The following ATF2 variants were observed in gnomAD, a reference collection of about 807,000 sequenced individuals.
ATF2 encodes the protein activating transcription factor 2.
A neutral mutation model predicts 60.6 loss-of-function variants in ATF2; 24 were observed. That is an observed-to-expected ratio of 0.40 (90% CI 0.29 to 0.56). The LOEUF is 0.56. Ranked by LOEUF, ATF2 falls within the 20% of genes least tolerant of loss-of-function variation. The probability of loss-of-function intolerance (pLI) is 0.54; values close to 1 mark genes in which losing one functional copy is unlikely to be tolerated. For synonymous variants in ATF2, 206 were observed against 215.4 expected (o/e 0.96, Z 0.38); for missense variants, 433 against 607.7 (o/e 0.71, Z 3.02).
intron 4 of ATF2, among the ~76,000 whole-genome samples, chr2:175,123,858 C>T (rs957918482): frequency 2.0e-5 from 3 of 151,914 alleles, no homozygotes; most frequent in East Asian, 3.9e-4. Flanking sequence ...AAAAACACTG[C>T]AAAAGACAAA....
intron 2 of ATF2, among the ~76,000 whole-genome samples, chr2:175,141,527 C>G (rs1698534313): frequency 6.6e-6 from 1 of 152,070 alleles, no homozygotes; most frequent in Non-Finnish European, 1.5e-5. Flanking sequence ...GAGTCTCGCT[C>G]TGTCGTCCAG....
intron 12 of ATF2, among the ~76,000 whole-genome samples, chr2:175,084,188 G>A (rs1693972595): frequency 6.6e-6 from 1 of 152,022 alleles, no homozygotes; most frequent in African/African-American, 2.4e-5. Flanking sequence ...AAAGACACAT[G>A]CACATGTATG....
At chr2:175,085,181 A>C (rs1694065979) in intron 12 of ATF2, among the ~76,000 whole-genome samples, 1 of 152,188 alleles carries the variant, frequency 6.6e-6, no homozygotes, top group African/African-American at 2.4e-5. Flanking sequence ...ACAAAATGCT[A>C]TATGTGACAA....
At chr2:175,101,685 C>T (rs1479471960) in intron 10 of ATF2, among the ~76,000 whole-genome samples, 2 of 152,124 alleles carry the variant, frequency 1.3e-5, no homozygotes, top group Non-Finnish European at 2.9e-5. Context: ...GGGCAAGTTA[C>T]TACCTTATAA....
intron 8 of ATF2, chr2:175,114,451 T>G (rs1696409814): frequency 1.0e-5 from 13 of 1,254,430 alleles, no homozygotes; most frequent in Middle Eastern, 6.2e-4. Flanking sequence ...TGAAATAGCA[T>G]GAAAATAAGA....
chr2:175,075,643 G>A (rs1693240044), intron 13 of ATF2, among the ~76,000 whole-genome samples: 1 of 152,072 alleles, frequency 6.6e-6, no homozygotes, highest in Non-Finnish European at 1.5e-5. Flanking sequence ...AATATTTATA[G>A]TATATGTAAG....
At chr2:175,160,955 T>C (rs1419853214) in intron 1 of ATF2, among the ~76,000 whole-genome samples, 1 of 152,098 alleles carries the variant, frequency 6.6e-6, no homozygotes, top group African/African-American at 2.4e-5. Context: ...GGAAGATCTC[T>C]CGAGCCCCAG....
chr2:175,087,469 G>A (rs1443348835), intron 12 of ATF2, among the ~76,000 whole-genome samples: 1 of 152,096 alleles, frequency 6.6e-6, no homozygotes, highest in South Asian at 2.1e-4. Context: ...TTCTTACATT[G>A]TCTATGTAAT....
chr2:175,106,999 C>T (rs763591076), intron 10 of ATF2, among the ~76,000 whole-genome samples: 8 of 151,958 alleles, frequency 5.3e-5, no homozygotes, highest in Non-Finnish European at 7.4e-5. Context: ...CAAAAAAATA[C>T]AAGTAGTCCC....
chr2:175,100,573 A>G (rs1695247214), intron 10 of ATF2, among the ~76,000 whole-genome samples: 1 of 152,220 alleles, frequency 6.6e-6, no homozygotes, highest in Non-Finnish European at 1.5e-5. Flanking sequence ...ACATTCAAAT[A>G]TCTGCTAGCC....
chr2:175,093,256 A>T lies in ATF2; in HGVS notation c.990T>A (p.Ala330=). 2 of 1,613,934 alleles carry T rather than the reference A, an allele frequency of 1.2e-6. No homozygotes were observed. The highest frequency in any genetic ancestry group is 1.7e-6 in the Non-Finnish European group (2 of 1,179,944). Residue 330 remains alanine, a synonymous_variant, in exon 12 of 14, where the codon GCT becomes GCA. Coordinates refer to ENST00000264110, the MANE Select transcript of ATF2 (RefSeq NM_001880.4). ...TACTTTGGGTCTGTGGAGTTGTGTG[A>T]GCTGGAGAAGCCTATTATAAACAGA... ...TSTTETPASP[A]HTTPQTQSTS... is the part of the protein sequence containing the mutation.
At position 175,149,410 on chromosome 2, in the gene ATF2, T is replaced by C. The variant is rs10191866; in HGVS notation, c.-44+1650A>G. ...AGAAAAAGTTTGTCTAACTCTGTAG[T>C]AAGAAATTGAAACATTTTAAGTACG... On this transcript the variant is annotated intron_variant, in intron 2 of 13. Coordinates refer to ENST00000264110, the MANE Select transcript of ATF2 (RefSeq NM_001880.4). Among the ~76,000 whole-genome samples the C allele has an allele frequency of 2.0e-3, 309 of 152,300 alleles. 3 individuals are homozygous for C. The highest frequency in any genetic ancestry group is 6.7e-3 in the African/African-American group (277 of 41,568).
In ATF2 at chr2:175,083,810, G is replaced by C. The variant is rs187742142; in HGVS notation, c.1186-3045C>G. Among the ~76,000 whole-genome samples the C allele has an allele frequency of 1.7e-3, 261 of 151,926 alleles. 1 individual carries two copies. Among genetic ancestry groups the C allele is most frequent in the African/African-American group, 5.4e-3 (225 of 41,456 alleles). Reference sequence around the variant, plus strand: ...AACAAATTTACAAGAAAAAAACAAAGAACCCCATCCAAAACTGGGCAAAGG... The same window carrying C: ...AACAAATTTACAAGAAAAAAACAAACAACCCCATCCAAAACTGGGCAAAGG... On this transcript the variant is annotated intron_variant, in intron 12 of 13. Coordinates refer to ENST00000264110, the MANE Select transcript of ATF2 (RefSeq NM_001880.4).
In ATF2 at chr2:175,118,029, A is replaced by G. The variant is rs990665344; in HGVS notation, c.408T>C (p.Ser136=). Reference sequence around the variant, plus strand: ...TAGTAGACTCTGGGTGAGGTAAAGGACTATCCTGGTGAGTTGTTTCTACAA... The same window carrying G: ...TAGTAGACTCTGGGTGAGGTAAAGGGCTATCCTGGTGAGTTGTTTCTACAA... ...PSVVETTHQD[S]PLPHPESTTS... The change falls in exon 7 of 14, where the codon AGT becomes AGC. Residue 136 remains serine (S), a synonymous_variant. Transcript: ENST00000264110. 1 of 1,611,890 alleles carries G rather than the reference A, an allele frequency of 6.2e-7. No individual in the cohort carries two copies. Among genetic ancestry groups the G allele is most frequent in the African/African-American group, 1.3e-5 (1 of 74,922 alleles).
In ATF2 at chr2:175,142,835, A is replaced by AGAGT. The variant is rs1553514079; in HGVS notation, c.-43-6350_-43-6349insACTC. On this transcript the variant is annotated intron_variant, in intron 2 of 13. Transcript: ENST00000264110. ...GCAACAGCGAGCGAGCAAGAGAGAG[A>AGAGT]GTGTGTGTGTGTGTCTGTGTGTGTT... Among the ~76,000 whole-genome samples, 329 of 140,394 alleles carry AGAGT rather than the reference A, an allele frequency of 2.3e-3. 1 individual carries two copies. The highest frequency in any genetic ancestry group is 7.5e-3 in the African/African-American group (288 of 38,216). The allele number at this position is 140,394 out of a possible 152,430, so 92.1% of individuals were successfully genotyped here.
At chr2:175,123,163 C>A (rs1427416636) in intron 4 of ATF2, among the ~76,000 whole-genome samples, 1 of 152,004 alleles carries the variant, frequency 6.6e-6, no homozygotes, top group Non-Finnish European at 1.5e-5. Context: ...TTATAAGAAT[C>A]TCCCCCAATT....
chr2:175,092,988 C>T (rs963552369), intron 12 of ATF2, 73 bp downstream of exon 12: 2 of 1,535,626 alleles, frequency 1.3e-6, no homozygotes, highest in African/African-American at 1.4e-5. Context: ...GGAGGCCCAA[C>T]TAGGAAAAAA....
chr2:175,084,641 TAA>T (rs111833261), intron 12 of ATF2, among the ~76,000 whole-genome samples: 12 of 91,740 alleles, frequency 1.3e-4, no homozygotes, highest in African/African-American at 4.0e-4. Flanking sequence ...ACTTAAAGTA[TAA>T]AAAAAAAAAA....
intron 12 of ATF2, among the ~76,000 whole-genome samples, chr2:175,082,373 G>A (rs1191698378): frequency 6.6e-6 from 1 of 152,120 alleles, no homozygotes; most frequent in Admixed American, 6.6e-5. Flanking sequence ...AAGATAAGCT[G>A]TCATTTAGGA....
Sources: allele counts gnomAD v4.1 joint callset (sites outside exome capture counted in the v4.1 genomes callset), GRCh38; gene constraint gnomAD v4.1.1; transcripts MANE v1.5; gene names NCBI Gene and HGNC (gene_info 2026-07-23, HGNC 2026-07-21).